Variants in NRG1 observed in about 807,000 individuals in gnomAD.
NRG1 encodes the protein neuregulin 1.
In NRG1, 18 loss-of-function variants were observed where a neutral mutation model predicts 63.8. That is an observed-to-expected ratio of 0.28 (90% CI 0.19 to 0.42). NRG1 has a LOEUF of 0.42. Ranked by LOEUF, NRG1 falls within the 10% of genes least tolerant of loss-of-function variation. The probability of loss-of-function intolerance (pLI) is 1.00; values close to 1 mark genes in which losing one functional copy is unlikely to be tolerated. For missense variants in NRG1, 762 were observed against 814.7 expected, an observed-to-expected ratio of 0.94 and a Z score of 0.79; for synonymous variants, 302 against 301.3, an observed-to-expected ratio of 1.00 and a Z score of -0.02.
intron 6 of NRG1, among the ~76,000 whole-genome samples, chr8:32,732,799 C>CTTTTTTTTTTTTTTTTTTT (rs1173388613): frequency 1.2e-5 from 1 of 83,344 alleles, no homozygotes; most frequent in Non-Finnish European, 2.2e-5. Flanking sequence ...TGTTTAATTT[C>CTTTTTTTTTTTTTTTTTTT]TTTTTTTTTT....
intron 5 of NRG1, among the ~76,000 whole-genome samples, chr8:32,704,065 A>G (rs2128966328): frequency 6.6e-6 from 1 of 152,356 alleles, no homozygotes; most frequent in South Asian, 2.1e-4. Flanking sequence ...AGAATGAGTC[A>G]GAGGAAATGA....
At chr8:32,511,541 A>C (rs991388189) in intron 1 of NRG1, among the ~76,000 whole-genome samples, 2 of 151,796 alleles carry the variant, frequency 1.3e-5, no homozygotes, top group Non-Finnish European at 2.9e-5. Context: ...GTTCCACTTA[A>C]GCTTAGCCCC....
At chr8:32,050,618 TCTG>T (rs775278183) in intron 1 of NRG1, among the ~76,000 whole-genome samples, 3 of 152,102 alleles carry the variant, frequency 2.0e-5, no homozygotes, top group Non-Finnish European at 4.4e-5. Context: ...TAGTGTTCTC[TCTG>T]CTAAGAAGAA....
chr8:32,635,102 C>T (rs1015328331), intron 5 of NRG1, among the ~76,000 whole-genome samples: 1 of 152,184 alleles, frequency 6.6e-6, no homozygotes, highest in Non-Finnish European at 1.5e-5. Context: ...TCGGACCTTA[C>T]CACTCTAAAA....
chr8:32,427,518 A>T (rs866406497), intron 1 of NRG1, among the ~76,000 whole-genome samples: 1 of 152,216 alleles, frequency 6.6e-6, no homozygotes, highest in Non-Finnish European at 1.5e-5. Flanking sequence ...AGAGCCAAAG[A>T]CAGCTTGTGC....
intron 1 of NRG1, among the ~76,000 whole-genome samples, chr8:31,889,820 A>T (rs1289282957): frequency 6.6e-6 from 1 of 152,186 alleles, no homozygotes; most frequent in African/African-American, 2.4e-5. Context: ...TTGGAGAGGG[A>T]CTTACTGGTT....
intron 1 of NRG1, among the ~76,000 whole-genome samples, chr8:31,996,438 C>T (rs1436432952): frequency 6.6e-6 from 1 of 151,940 alleles, no homozygotes; most frequent in East Asian, 1.9e-4. Context: ...TACTGACTTA[C>T]TGGAAATCCC....
At chr8:31,654,026 G>A (rs1805171751) in intron 1 of NRG1, among the ~76,000 whole-genome samples, 1 of 151,918 alleles carries the variant, frequency 6.6e-6, no homozygotes, top group South Asian at 2.1e-4. Flanking sequence ...AAATTGTTAG[G>A]TTAAACCTGC....
At chr8:31,684,987 C>A (rs915933222) in intron 1 of NRG1, among the ~76,000 whole-genome samples, 1 of 152,016 alleles carries the variant, frequency 6.6e-6, no homozygotes, top group Non-Finnish European at 1.5e-5. Context: ...AATTTTGAGG[C>A]CTTAGTAACC....
Position 32,746,420 on chromosome 8 carries a change from C to T in NRG1, c.691+3687C>T, listed in dbSNP as rs575738032. Among the ~76,000 whole-genome samples, 246 of 152,126 alleles carry T rather than the reference C, an allele frequency of 1.6e-3. 1 individual carries two copies. Among genetic ancestry groups the T allele is most frequent in the African/African-American group, 5.8e-3 (241 of 41,516 alleles). ...GCCCAAGATGTTAAAGAGAAAAATC[C>T]TAAATGTCTTCAAATTTTAACAGGA... On this transcript the variant is annotated intron_variant, in intron 7 of 11. Transcript: ENST00000356819.
upstream of NRG1, among the ~76,000 whole-genome samples, chr8:32,543,426 A>C (rs1054983807): frequency 8.5e-5 from 13 of 152,152 alleles, no homozygotes; most frequent in Non-Finnish European, 1.5e-4. Flanking sequence ...AGAAAAAATA[A>C]CTGAAAAGTT....
intron 1 of NRG1, among the ~76,000 whole-genome samples, chr8:31,946,753 T>C (rs1185259724): frequency 6.6e-6 from 1 of 152,152 alleles, no homozygotes; most frequent in African/African-American, 2.4e-5. Flanking sequence ...AGGCTGCATC[T>C]AAGGACCCAC....
chr8:31,909,922 T>C (rs895865417), intron 1 of NRG1, among the ~76,000 whole-genome samples: 1 of 152,142 alleles, frequency 6.6e-6, no homozygotes, highest in Non-Finnish European at 1.5e-5. Context: ...CTTCGTGATG[T>C]GAGGTCAAGA....
chr8:31,657,406 G>A (rs1210363377), intron 1 of NRG1, among the ~76,000 whole-genome samples: 2 of 152,184 alleles, frequency 1.3e-5, no homozygotes, highest in African/African-American at 4.8e-5. Context: ...AACCATAGAT[G>A]ACTTACTGGG....
intron 5 of NRG1, among the ~76,000 whole-genome samples, chr8:32,707,241 G>A (rs1816662426): frequency 6.6e-6 from 1 of 151,938 alleles, no homozygotes; most frequent in African/African-American, 2.4e-5. Context: ...TGTTTACATT[G>A]ATGAGTAATA....
At chr8:31,994,704 A>G (rs182781536) in intron 1 of NRG1, among the ~76,000 whole-genome samples, 1 of 147,110 alleles carries the variant, frequency 6.8e-6, no homozygotes, top group East Asian at 2.0e-4. Flanking sequence ...ACCTATGAAG[A>G]AGCTGCTTGG....
intron 1 of NRG1, among the ~76,000 whole-genome samples, chr8:32,248,498 G>C (rs1231751707): frequency 4.6e-5 from 7 of 151,860 alleles, no homozygotes; most frequent in African/African-American, 1.7e-4. Context: ...AATTATGCTT[G>C]GTTACCAATA....
Position 31,855,972 on chromosome 8 carries a change from C to T in NRG1, c.37+216541C>T, listed in dbSNP as rs545003068. On this transcript the variant is annotated intron_variant, in intron 1 of 10. Coordinates refer to the NRG1 transcript ENST00000519301. ...CTCTTCTGGCTTGTAGAGTTTCTGC[C>T]GAGAGATCTGCTGTTAGTCTGATGG... 1.9e-3 allele frequency among the ~76,000 whole-genome samples: 279 copies of T among 149,882 alleles called. 2 individuals are homozygous for T. The highest frequency in any genetic ancestry group is 1.8e-3 in the Non-Finnish European group (123 of 67,468).
At position 32,657,026 on chromosome 8, in the gene NRG1, T is replaced by A. The variant is rs1006531285; in HGVS notation, c.502+40141T>A. 4.6e-5 allele frequency among the ~76,000 whole-genome samples: 7 copies of A among 152,170 alleles called. 1 individual carries two copies. In the East Asian group the frequency reaches 1.4e-3, roughly 30 times the overall value. On this transcript the variant is annotated intron_variant, in intron 5 of 11. Transcript: ENST00000356819. ...AAGCCAGAGTTAGCACAGAATTTAA[T>A]ATGCATGTAATTATCAAATGTAAAA...
Sources: gnomAD v4.1 joint callset for allele counts (sites outside exome capture counted in the v4.1 genomes callset) on GRCh38, gnomAD v4.1.1 for gene constraint, MANE v1.5 for transcripts, NCBI Gene and HGNC (gene_info 2026-07-23, HGNC 2026-07-21) for gene names.